PCDHA5: variants seen among roughly 807,000 people sequenced by gnomAD.
PCDHA5 encodes protocadherin alpha-5.
Under a neutral mutation model 61.6 loss-of-function variants are expected in PCDHA5, and 43 were observed. The ratio of observed to expected loss-of-function variants is 0.70; its 90% CI spans 0.55 to 0.90. PCDHA5 has a LOEUF of 0.90. Ranked by LOEUF, PCDHA5 falls within the 40% of genes least tolerant of loss-of-function variation. The pLI is 0.00. For synonymous variants in PCDHA5, 627 were observed against 543.9 expected (o/e 1.15, Z -2.13); for missense variants, 1,298 against 1,222.7 (o/e 1.06, Z -0.92).
chr5:140,850,744 A>G (rs2150496809), intron 1 of PCDHA5: 2 of 1,597,586 alleles, frequency 1.3e-6, no homozygotes, highest in Non-Finnish European at 1.7e-6. Context: ...AGTTGGTCGT[A>G]CTCGCAGCAG....
intron 1 of PCDHA5, among the ~76,000 whole-genome samples, chr5:140,945,509 GTAAA>G (rs1266877059): frequency 6.6e-6 from 1 of 151,782 alleles, no homozygotes; most frequent in Non-Finnish European, 1.5e-5. Context: ...ATTGAGCAAA[GTAAA>G]TAAATAAATA....
chr5:140,870,190 C>T (rs1554163883), intron 1 of PCDHA5: 15 of 1,614,174 alleles, frequency 9.3e-6, no homozygotes, highest in Non-Finnish European at 1.1e-5. Flanking sequence ...AGAGGACGCT[C>T]AGCCCAGCAC....
At chr5:140,875,236 C>G (rs2055366681) in intron 1 of PCDHA5, 2 of 889,228 alleles carry the variant, frequency 2.2e-6, no homozygotes, top group East Asian at 2.9e-5. Context: ...CTTTCTTGTA[C>G]TTACATAATC....
Position 140,850,846 on chromosome 5 carries a change from A to G in PCDHA5, c.2352+26719A>G, listed in dbSNP as rs1183689960. 8 of 1,596,424 alleles carry G rather than the reference A, an allele frequency of 5.0e-6. 2 individuals carry two copies. Among genetic ancestry groups the G allele is most frequent in the Non-Finnish European group, 6.0e-6 (7 of 1,166,358 alleles). On this transcript the variant is annotated intron_variant, in intron 1 of 3. Coordinates refer to ENST00000529859, the MANE Select transcript of PCDHA5 (RefSeq NM_018908.3). ...CTTTCTCCTTGTGCTGGATCTACAG[A>G]GCGAACGGGAGAACCCTCTGCTTCC...
intron 1 of PCDHA5, among the ~76,000 whole-genome samples, chr5:140,909,449 A>G (rs1301796561): frequency 1.3e-5 from 2 of 152,218 alleles, no homozygotes; most frequent in African/African-American, 4.8e-5. Flanking sequence ...GTCATTCTCC[A>G]AGATCCATCT....
At chr5:140,829,687 G>A (rs2150172545) in intron 1 of PCDHA5, 3 of 1,613,340 alleles carry the variant, frequency 1.9e-6, no homozygotes, top group East Asian at 2.2e-5. Flanking sequence ...AGCTGCTGCA[G>A]TTTCAGGTGA....
chr5:140,855,687 GA>G (rs1455055346), intron 1 of PCDHA5, among the ~76,000 whole-genome samples: 4 of 149,608 alleles, frequency 2.7e-5, no homozygotes, highest in Admixed American at 2.0e-4. Context: ...CTACATTTAA[GA>G]AAACATTGCA....
intron 2 of PCDHA5, among the ~76,000 whole-genome samples, chr5:140,982,179 T>C (rs950269342): frequency 6.6e-6 from 1 of 152,396 alleles, no homozygotes. Flanking sequence ...CTTAGTCCTC[T>C]GATGGGCTTC....
chr5:140,912,359 G>A (rs1483575347), intron 1 of PCDHA5, among the ~76,000 whole-genome samples: 1 of 131,950 alleles, frequency 7.6e-6, no homozygotes, highest in Non-Finnish European at 1.6e-5. Context: ...TTTTTTTTTT[G>A]CAGCTGTTGT....
Position 140,858,255 on chromosome 5 carries a change from C to T in PCDHA5, c.2352+34128C>T, listed in dbSNP as rs782505724. On this transcript the variant is annotated intron_variant, in intron 1 of 3. Coordinates refer to ENST00000529859, the MANE Select transcript of PCDHA5 (RefSeq NM_018908.3). ...GGCGCATGTGGGCCGGTGAAGCCCA[C>T]GCTGGTGTGCTCTAGCGCGGTGGGG... The T allele has an allele frequency of 1.9e-6, 3 of 1,596,960 alleles. No individual in the cohort carries two copies. In the South Asian group the frequency reaches 3.3e-5, roughly 18 times the overall value.
chr5:140,928,399 T>C (rs1554205848), intron 1 of PCDHA5: 1 of 1,613,926 alleles, frequency 6.2e-7, no homozygotes, highest in African/African-American at 1.3e-5. Flanking sequence ...AGTGGAATCA[T>C]CCAGTGGGGC....
chr5:140,927,412 G>A, intron 1 of PCDHA5: 1 of 1,614,122 alleles, frequency 6.2e-7, no homozygotes, highest in African/African-American at 1.3e-5. Context: ...CCTGGACATG[G>A]GATCGCGGGT....
intron 1 of PCDHA5, among the ~76,000 whole-genome samples, chr5:140,950,786 T>A (rs890329662): frequency 6.6e-6 from 1 of 152,140 alleles, no homozygotes; most frequent in Non-Finnish European, 1.5e-5. Context: ...TGGTACTTTT[T>A]AAATATTGTC....
chr5:140,824,518 C>T (rs1191370190), intron 1 of PCDHA5: 1 of 218,004 alleles, frequency 4.6e-6, no homozygotes, highest in Non-Finnish European at 9.0e-6. Flanking sequence ...GTGATCTGAT[C>T]ATAGCTCACC....
chr5:140,989,597 G>A (rs1168398697), intron 3 of PCDHA5, among the ~76,000 whole-genome samples: 1 of 152,144 alleles, frequency 6.6e-6, no homozygotes, highest in Non-Finnish European at 1.5e-5. Flanking sequence ...ACTGACACAA[G>A]TAAACTAAAA....
In PCDHA5 at chr5:140,985,839, A is replaced by G. The variant is rs570244448; in HGVS notation, c.2500+3276A>G. On this transcript the variant is annotated intron_variant, in intron 3 of 3. Coordinates refer to ENST00000529859, the MANE Select transcript of PCDHA5 (RefSeq NM_018908.3). ...ACAACAAGCTCTGCCTCCCGGGTTC[A>G]TGCCACTCTCCTGCCTCAGCCTCCT... Among the ~76,000 whole-genome samples the G allele has an allele frequency of 6.2e-5, 9 of 144,378 alleles. No homozygotes were observed. The East Asian group carries it at 1.9e-3, about 30-fold the overall frequency. 94.7% of individuals were successfully genotyped at this position (144,378 alleles called of 152,430 possible). A position where few individuals can be genotyped will look rare whatever the true frequency, so the allele number is the denominator to read the frequency against.
At chr5:141,005,527 C>A (rs1448254191) in intron 3 of PCDHA5, among the ~76,000 whole-genome samples, 1 of 151,230 alleles carries the variant, frequency 6.6e-6, no homozygotes, top group Non-Finnish European at 1.5e-5. Context: ...CACGGTGAAA[C>A]CCCGTCTCTA....
chr5:140,941,874 A>C (rs1554214738), intron 1 of PCDHA5, among the ~76,000 whole-genome samples: 1 of 152,222 alleles, frequency 6.6e-6, no homozygotes, highest in African/African-American at 2.4e-5. Context: ...GAGTTCTATC[A>C]CCAGTGACTA....
At chr5:140,942,757 T>C (rs2093364947) in intron 1 of PCDHA5, among the ~76,000 whole-genome samples, 1 of 152,174 alleles carries the variant, frequency 6.6e-6, no homozygotes, top group South Asian at 2.1e-4. Context: ...ATAAATGAGA[T>C]GGCATAATGT....
Sources: allele counts gnomAD v4.1 joint callset (sites outside exome capture counted in the v4.1 genomes callset), GRCh38; gene constraint gnomAD v4.1.1; transcripts MANE v1.5; gene names NCBI Gene and HGNC (gene_info 2026-07-23, HGNC 2026-07-21).